The following MCTP1 variants were observed in gnomAD, a reference collection of about 807,000 sequenced individuals.
The protein encoded by MCTP1 is multiple C2 and transmembrane domain containing 1, also known as multiple C2 and transmembrane domain-containing protein 1.
A neutral mutation model predicts 120.6 loss-of-function variants in MCTP1; 69 were observed. The observed-to-expected ratio is 0.57, with a 90% CI of 0.47 to 0.70. The LOEUF is 0.70. MCTP1 is among the 30% of genes least tolerant of loss of function. MCTP1 has a pLI of 0.00. For missense variants in MCTP1, 1,203 were observed against 1,248.8 expected, an observed-to-expected ratio of 0.96 and a Z score of 0.55; for synonymous variants, 529 against 493.1, an observed-to-expected ratio of 1.07 and a Z score of -0.96.
At chr5:94,871,113 AC>A in intron 14 of MCTP1, 140 bp from the exon 15 acceptor site, 2 of 736,134 alleles carry the variant, frequency 2.7e-6, no homozygotes, top group Non-Finnish European at 4.7e-6. Flanking sequence ...CCTGTTCATT[AC>A]CAGGATCAAG....
chr5:94,736,761 A>T (rs1764356337), intron 19 of MCTP1, among the ~76,000 whole-genome samples: 1 of 152,174 alleles, frequency 6.6e-6, no homozygotes, highest in Admixed American at 6.5e-5. Flanking sequence ...TTCAGGAGGT[A>T]ATAGAGGTAA....
chr5:95,167,055 A>G (rs189894942), intron 1 of MCTP1, among the ~76,000 whole-genome samples: 1 of 151,610 alleles, frequency 6.6e-6, no homozygotes, highest in Non-Finnish European at 1.5e-5. Context: ...TCCTAATGCT[A>G]TCCTTCCCCA....
chr5:95,196,739 T>C (rs972386977), intron 1 of MCTP1, among the ~76,000 whole-genome samples: 68 of 151,788 alleles, frequency 4.5e-4, no homozygotes, highest in African/African-American at 1.5e-3. Context: ...AGGGGGAGAG[T>C]GTCCATCCTG....
chr5:94,773,146 C>T (rs1249266954), intron 19 of MCTP1, among the ~76,000 whole-genome samples: 2 of 152,178 alleles, frequency 1.3e-5, no homozygotes, highest in African/African-American at 4.8e-5. Flanking sequence ...ATTATTTGCT[C>T]TTCTCCCAAG....
chr5:94,937,787 C>T (rs1452162529), intron 5 of MCTP1, among the ~76,000 whole-genome samples: 1 of 152,016 alleles, frequency 6.6e-6, no homozygotes, highest in Non-Finnish European at 1.5e-5. Context: ...ATAAACATCC[C>T]TTTAATGTAA....
chr5:94,930,068 G>A (rs937072447), intron 6 of MCTP1, among the ~76,000 whole-genome samples: 4 of 151,796 alleles, frequency 2.6e-5, no homozygotes, highest in East Asian at 3.9e-4. Context: ...AAATGCATCC[G>A]TTCGAATATA....
intron 1 of MCTP1, among the ~76,000 whole-genome samples, chr5:95,184,844 C>T (rs1749020084): frequency 6.6e-6 from 1 of 152,090 alleles, no homozygotes; most frequent in African/African-American, 2.4e-5. Flanking sequence ...ACCAGTTCTG[C>T]CATCTCACCC....
chr5:94,860,412 G>C (rs948206981), intron 17 of MCTP1, among the ~76,000 whole-genome samples: 1 of 151,628 alleles, frequency 6.6e-6, no homozygotes, highest in African/African-American at 2.4e-5. Context: ...GTGCACCCTT[G>C]GAATTGGGAC....
chr5:94,901,583 C>G (rs552939544), intron 10 of MCTP1, among the ~76,000 whole-genome samples: 1 of 152,032 alleles, frequency 6.6e-6, no homozygotes, highest in Non-Finnish European at 1.5e-5. Context: ...TGTTTCCTGA[C>G]TTCCATATCA....
intron 21 of MCTP1, chr5:94,710,501 C>T (rs1756516792): frequency 1.7e-5 from 4 of 240,876 alleles, no homozygotes; most frequent in Non-Finnish European, 3.2e-5. Flanking sequence ...GATTGAAATG[C>T]CTCTGTTTGT....
chr5:95,278,703 C>T (rs1582722250), intron 1 of MCTP1, among the ~76,000 whole-genome samples: 1 of 152,238 alleles, frequency 6.6e-6, no homozygotes, highest in East Asian at 1.9e-4. Flanking sequence ...TGGCTCATGC[C>T]TGTAATCCCA....
At chr5:94,748,609 C>G (rs1767486957) in intron 19 of MCTP1, among the ~76,000 whole-genome samples, 2 of 152,262 alleles carry the variant, frequency 1.3e-5, no homozygotes, top group Non-Finnish European at 2.9e-5. Context: ...GATCTTTGTT[C>G]TTTCTATTAA....
In MCTP1 at chr5:95,270,167, A is replaced by G. The variant is rs574863290; in HGVS notation, c.720+13689T>C. Among the ~76,000 whole-genome samples, 81 of 152,316 alleles carry G rather than the reference A, an allele frequency of 5.3e-4. No homozygotes were observed. In the South Asian group the frequency reaches 0.011, roughly 21 times the overall value. On this transcript the variant is annotated intron_variant, in intron 1 of 22. Coordinates refer to ENST00000515393, the MANE Select transcript of MCTP1 (RefSeq NM_024717.7). ...TTTTTTTAAGTAGAACTGTCATTTA[A>G]AAGTTGCTAGTTACTTGGGATTATA... is the stretch of plus-strand genomic sequence containing the variant.
intron 1 of MCTP1, among the ~76,000 whole-genome samples, chr5:95,036,931 T>TCACTCACTCAC (rs1465620128): frequency 1.8e-4 from 7 of 38,318 alleles, no homozygotes; most frequent in South Asian, 1.5e-3. Flanking sequence ...CACTCACTCA[T>TCACTCACTCAC]TTTTTAATCC....
intron 1 of MCTP1, among the ~76,000 whole-genome samples, chr5:95,111,156 G>A (rs1757420193): frequency 6.6e-6 from 1 of 152,130 alleles, no homozygotes; most frequent in Non-Finnish European, 1.5e-5. Context: ...ATTCAATAAT[G>A]CAAAAGTTAT....
chr5:94,730,442 C>T (rs1429177857), intron 19 of MCTP1, among the ~76,000 whole-genome samples: 1 of 152,224 alleles, frequency 6.6e-6, no homozygotes, highest in African/African-American at 2.4e-5. Context: ...TGAGCCATCA[C>T]ACCTGGCCGA....
At chr5:95,069,460 C>T (rs1450477595) in intron 1 of MCTP1, among the ~76,000 whole-genome samples, 340 of 107,180 alleles carry the variant, frequency 3.2e-3, no homozygotes, top group African/African-American at 8.4e-3. Context: ...TTTTTTTTTT[C>T]AGAATAACAT....
At chr5:95,210,789 G>A (rs888960868) in intron 1 of MCTP1, among the ~76,000 whole-genome samples, 1 of 151,954 alleles carries the variant, frequency 6.6e-6, no homozygotes, top group African/African-American at 2.4e-5. Context: ...CTACATTTTG[G>A]CATGATTTTG....
chr5:95,273,149 A>T (rs750940561), intron 1 of MCTP1, among the ~76,000 whole-genome samples: 7 of 152,254 alleles, frequency 4.6e-5, no homozygotes, highest in Non-Finnish European at 8.8e-5. Flanking sequence ...CAATCCCAAA[A>T]GATATTTTGG....
Sources: allele counts gnomAD v4.1 joint callset (sites outside exome capture counted in the v4.1 genomes callset), GRCh38; gene constraint gnomAD v4.1.1; transcripts MANE v1.5; gene names NCBI Gene and HGNC (gene_info 2026-07-23, HGNC 2026-07-21).